The following MARK3 variants were observed in gnomAD, a reference collection of about 807,000 sequenced individuals.
MARK3 encodes MAP/microtubule affinity-regulating kinase 3.
A neutral mutation model predicts 90.1 loss-of-function variants in MARK3; 46 were observed. The observed-to-expected ratio is 0.51, with a 90% CI of 0.40 to 0.65. The LOEUF is 0.65. Ranked by LOEUF, MARK3 falls within the 30% of genes least tolerant of loss-of-function variation. The pLI is 0.00. For synonymous variants in MARK3, 321 were observed against 332.6 expected (o/e 0.97, Z 0.38); for missense variants, 818 against 947.2 (o/e 0.86, Z 1.79).
At chr14:103,489,098 T>A (rs1020075414) in intron 14 of MARK3, among the ~76,000 whole-genome samples, 1 of 152,238 alleles carries the variant, frequency 6.6e-6, no homozygotes, top group East Asian at 1.9e-4. Context: ...GTGGCATGCA[T>A]GAGCTAAAAA....
intron 14 of MARK3, among the ~76,000 whole-genome samples, chr14:103,485,800 A>G (rs1307377410): frequency 6.6e-6 from 1 of 152,106 alleles, no homozygotes; most frequent in Non-Finnish European, 1.5e-5. Context: ...CGGGAGGCCT[A>G]GACAGGAAGA....
At chr14:103,500,589 T>C (rs2075607863) in intron 17 of MARK3, among the ~76,000 whole-genome samples, 1 of 152,242 alleles carries the variant, frequency 6.6e-6, no homozygotes, top group Non-Finnish European at 1.5e-5. Context: ...CTAGATATGT[T>C]TTCTTCTAAG....
At chr14:103,392,231 T>G (rs1248909682) in intron 1 of MARK3, among the ~76,000 whole-genome samples, 1 of 152,222 alleles carries the variant, frequency 6.6e-6, no homozygotes, top group Non-Finnish European at 1.5e-5. Flanking sequence ...TGTATGATAC[T>G]GTGCTAGGTG....
In MARK3 at chr14:103,427,509, A is replaced by AAAAAG. The variant is rs1467684589; in HGVS notation, c.244-874_244-870dup. The stretch of plus-strand genomic sequence containing the variant: ...AGGGAGACTGTTTCAAAAAAAAAAA[A>AAAAAG]AAAAGAAACAAAAGAATGGCTGCTC... On this transcript the variant is annotated intron_variant, in intron 2 of 17. Transcript: ENST00000429436. Among the ~76,000 whole-genome samples the AAAAAG allele has an allele frequency of 3.0e-4, 46 of 150,984 alleles. 1 individual carries two copies. Among genetic ancestry groups the AAAAAG allele is most frequent in the East Asian group, 1.6e-3 (8 of 5,160 alleles).
At chr14:103,447,523 C>T (rs547878057) in intron 3 of MARK3, among the ~76,000 whole-genome samples, 10 of 152,186 alleles carry the variant, frequency 6.6e-5, no homozygotes, top group South Asian at 4.2e-4. Context: ...GACTGGGTTC[C>T]GGACACATTC....
chr14:103,479,634 T>TC, intron 13 of MARK3, among the ~76,000 whole-genome samples: 1 of 141,754 alleles, frequency 7.1e-6, no homozygotes, highest in South Asian at 2.4e-4. Flanking sequence ...ATAGCTTTTT[T>TC]TTTTTTTTTT....
intron 2 of MARK3, among the ~76,000 whole-genome samples, chr14:103,425,600 A>G (rs1329087865): frequency 1.3e-5 from 2 of 152,254 alleles, no homozygotes; most frequent in African/African-American, 2.4e-5. Context: ...AGTTAGGGCT[A>G]TAAAGATGAA....
Position 103,385,920 on chromosome 14 carries a change from A to G in MARK3, c.-110A>G, listed in dbSNP as rs1307744928. On this transcript the variant is annotated 5_prime_UTR_variant, in exon 1 of 18. Coordinates refer to ENST00000429436, the MANE Select transcript of MARK3 (RefSeq NM_001128918.3). ...TAGGGGGAAGGGAGCCGCCCTCCCC[A>G]CGGCGCCTTTTCGGAACTGCCGTGG... is the stretch of plus-strand genomic sequence containing the variant. 2 of 850,018 alleles carry G rather than the reference A, an allele frequency of 2.4e-6. No individual in the cohort carries two copies. Among genetic ancestry groups the G allele is most frequent in the Non-Finnish European group, 4.0e-6 (2 of 496,962 alleles). 52.7% of individuals were successfully genotyped at this position (850,018 alleles called of 1,614,324 possible).
intron 1 of MARK3, among the ~76,000 whole-genome samples, chr14:103,393,319 G>A (rs1215087696): frequency 6.6e-6 from 1 of 152,152 alleles, no homozygotes; most frequent in Non-Finnish European, 1.5e-5. Context: ...AGCACAACCT[G>A]TTGAATCAAG....
chr14:103,451,040 C>T (rs1210140555), intron 4 of MARK3, among the ~76,000 whole-genome samples: 1 of 150,358 alleles, frequency 6.7e-6, no homozygotes. Context: ...AGGCCATTCT[C>T]CCACCTCAGC....
Position 103,503,255 on chromosome 14 carries a change from G to A in MARK3, c.*28G>A. 6.4e-7 allele frequency: 1 copy of A among 1,551,104 alleles called. No homozygotes were observed. Among genetic ancestry groups the A allele is most frequent in the South Asian group, 1.2e-5 (1 of 85,768 alleles). On this transcript the variant is annotated 3_prime_UTR_variant, in exon 18 of 18. Transcript: ENST00000429436. ...CAGTGATTATGATGTAAATTAAGTAGCAATTAAAGTGTTTTCCTGAACACT... is the reference window on the plus strand; with the variant it reads ...CAGTGATTATGATGTAAATTAAGTAACAATTAAAGTGTTTTCCTGAACACT...
chr14:103,429,191 A>G (rs2092504662), intron 3 of MARK3: 2 of 152,138 alleles, frequency 1.3e-5, no homozygotes. Flanking sequence ...TTTGATTTCT[A>G]GATTTGACCT....
At chr14:103,418,146 A>G (rs576014190) in intron 2 of MARK3, among the ~76,000 whole-genome samples, 17 of 143,166 alleles carry the variant, frequency 1.2e-4, no homozygotes, top group Admixed American at 3.5e-4. Context: ...GTTTGTTGTT[A>G]CTGTCTTTAC....
chr14:103,460,073 C>CTTTTTT (rs571611660), intron 6 of MARK3, among the ~76,000 whole-genome samples: 2,212 of 41,702 alleles, frequency 0.053, 678 homozygotes, highest in East Asian at 0.096. Context: ...CCAGCTCCAT[C>CTTTTTT]TTTTTTTTTT....
At chr14:103,492,092 CTTT>C (rs1431290072) in intron 15 of MARK3, 58 bp downstream of exon 15, 34 of 1,571,300 alleles carry the variant, frequency 2.2e-5, no homozygotes, top group Non-Finnish European at 2.9e-5. Flanking sequence ...GGAAAGATGT[CTTT>C]TTTGTTGTGT....
At chr14:103,466,513 G>A (rs1473005608) in intron 10 of MARK3, 71 bp downstream of exon 10, 2 of 959,766 alleles carry the variant, frequency 2.1e-6, no homozygotes, top group African/African-American at 1.6e-5. Context: ...ACTCATGTCT[G>A]TGCCTAAAAT....
chr14:103,502,440 G>A (rs1323687952), intron 17 of MARK3, among the ~76,000 whole-genome samples: 2 of 152,240 alleles, frequency 1.3e-5, no homozygotes. Flanking sequence ...CTGAGTGCCA[G>A]TTACAGTGAT....
chr14:103,492,305 G>A (rs1053902202), intron 15 of MARK3, among the ~76,000 whole-genome samples: 3 of 152,070 alleles, frequency 2.0e-5, no homozygotes, highest in African/African-American at 4.8e-5. Flanking sequence ...TCACGTATCT[G>A]TCTGCATGGC....
At chr14:103,424,468 A>G (rs1048653562) in intron 2 of MARK3, among the ~76,000 whole-genome samples, 11 of 151,718 alleles carry the variant, frequency 7.3e-5, no homozygotes, top group South Asian at 4.2e-4. Context: ...CGAGGCTGCA[A>G]TGAACTGTGA....
Sources: allele counts gnomAD v4.1 joint callset (sites outside exome capture counted in the v4.1 genomes callset), GRCh38; gene constraint gnomAD v4.1.1; transcripts MANE v1.5; gene names NCBI Gene and HGNC (gene_info 2026-07-23, HGNC 2026-07-21).